Variants in ITGA6 observed in about 807,000 individuals in gnomAD.
The protein encoded by ITGA6 is integrin alpha-6.
Under a neutral mutation model 133.6 loss-of-function variants are expected in ITGA6, and 63 were observed. The ratio of observed to expected loss-of-function variants is 0.47; its 90% CI spans 0.38 to 0.58. The LOEUF is 0.58. Among genes scored for constraint, ITGA6 ranks in the 20% least tolerant of loss-of-function variants. The pLI is 0.00. For missense variants in ITGA6, 1,068 were observed against 1,309.4 expected, an observed-to-expected ratio of 0.82 and a Z score of 2.85; for synonymous variants, 434 against 482.0, an observed-to-expected ratio of 0.90 and a Z score of 1.30.
chr2:172,497,867 A>T, intron 23 of ITGA6, 108 bp from the exon 24 acceptor site: 1 of 1,129,824 alleles, frequency 8.9e-7, no homozygotes, highest in Non-Finnish European at 1.3e-6. Flanking sequence ...ATCCATTCAC[A>T]GGCTGCATTG....
Position 172,476,455 on chromosome 2 carries a change from C to T in ITGA6, c.1330C>T (p.Arg444Ter), listed in dbSNP as rs1686178867. The T allele has an allele frequency of 1.2e-6, 2 of 1,612,784 alleles. No homozygotes were observed. The highest frequency in any genetic ancestry group is 1.7e-6 in the Non-Finnish European group (2 of 1,178,976). ...YSIAGNMDLDRNSYPDVAVGS... is the reference protein window; with the variant it reads ...YSIAGNMDLD The stretch of plus-strand genomic sequence containing the variant: ...AATTGCTGGAAACATGGACCTTGAT[C>T]GAAATTCCTACCCTGATGTTGCTGT... Residue 444 changes from arginine to a stop codon, truncating the protein, a stop_gained, in exon 9 of 26, where the codon CGA (arginine) becomes TGA (stop). Coordinates refer to ENST00000684293, the MANE Select transcript of ITGA6 (RefSeq NM_000210.4). LOFTEE classifies it high-confidence loss of function.
At chr2:172,441,138 G>T (rs924853204) in intron 1 of ITGA6, among the ~76,000 whole-genome samples, 1 of 152,058 alleles carries the variant, frequency 6.6e-6, no homozygotes, top group Non-Finnish European at 1.5e-5. Flanking sequence ...TAATTTCTCC[G>T]TTGCTCTCAT....
At chr2:172,473,529 A>G (rs964748603) in intron 5 of ITGA6, among the ~76,000 whole-genome samples, 1 of 152,214 alleles carries the variant, frequency 6.6e-6, no homozygotes, top group Admixed American at 6.5e-5. Flanking sequence ...TTGTCTGATT[A>G]CCAAAGAGTT....
chr2:172,467,532 A>G lies in ITGA6; in HGVS notation c.359A>G (p.Gln120Arg), dbSNP rs754363708. The G allele has an allele frequency of 6.2e-7, 1 of 1,613,746 alleles. No homozygotes were observed. The highest frequency in any genetic ancestry group is 1.3e-5 in the African/African-American group (1 of 74,932). Residue 120 changes from glutamine (Q) to arginine (R), a missense_variant, in exon 3 of 26, where the codon CAG (glutamine) becomes CGG (arginine). Gln to Arg is a conservative substitution (Grantham distance 43). Coordinates refer to ENST00000684293, the MANE Select transcript of ITGA6 (RefSeq NM_000210.4). ...GATCAGTGGATGGGGGTCACCGTCC[A>G]GAGCCAAGGTCCAGGGGGCAAGGTC... ...KEDQWMGVTV[Q>R]SQGPGGKVVT... is the part of the protein sequence containing the mutation.
At chr2:172,429,705 A>T (rs181641332) in intron 1 of ITGA6, among the ~76,000 whole-genome samples, 2 of 152,156 alleles carry the variant, frequency 1.3e-5, no homozygotes, top group Non-Finnish European at 2.9e-5. Context: ...TAAGCCTGCA[A>T]TGGGGTCTGA....
At chr2:172,482,546 G>C (rs1229532216) in intron 11 of ITGA6, among the ~76,000 whole-genome samples, 1 of 152,160 alleles carries the variant, frequency 6.6e-6, no homozygotes, top group African/African-American at 2.4e-5. Context: ...GGACTGTCTG[G>C]AGGGTTAGGG....
intron 5 of ITGA6, 121 bp downstream of exon 5, chr2:172,471,226 C>A: frequency 8.9e-7 from 1 of 1,124,888 alleles, no homozygotes; most frequent in Non-Finnish European, 1.3e-6. Context: ...GGGGCCGGGC[C>A]ACTTTTGCTG....
chr2:172,441,999 G>C (rs1350241704), intron 1 of ITGA6, among the ~76,000 whole-genome samples: 2 of 152,146 alleles, frequency 1.3e-5, no homozygotes, highest in Non-Finnish European at 2.9e-5. Flanking sequence ...AACTTGTCCA[G>C]ATCTCTTTCT....
chr2:172,491,373 C>A lies in ITGA6; in HGVS notation c.2889+42C>A. 1 of 1,575,654 alleles carries A rather than the reference C, an allele frequency of 6.3e-7. No homozygotes were observed. Among genetic ancestry groups the A allele is most frequent in the Non-Finnish European group, 8.7e-7 (1 of 1,145,042 alleles). ...AGGCTGTCCCATGGAAGTAATTTGC[C>A]TTTGCCTAGGACACTTTTCACTTCC... On this transcript the variant is annotated intron_variant, in intron 22 of 25. Coordinates refer to ENST00000684293, the MANE Select transcript of ITGA6 (RefSeq NM_000210.4). This position sits in a 1 kb window ranked among gnomAD's most constrained non-coding sequence, Gnocchi z 4.4.
intron 1 of ITGA6, among the ~76,000 whole-genome samples, chr2:172,442,751 T>G (rs946896231): frequency 2.0e-5 from 3 of 152,204 alleles, no homozygotes; most frequent in Non-Finnish European, 4.4e-5. Context: ...TGTGTTGTCA[T>G]GCCTCTGGAA....
At chr2:172,458,861 T>A (rs1393707234) in intron 1 of ITGA6, among the ~76,000 whole-genome samples, 2 of 152,102 alleles carry the variant, frequency 1.3e-5, no homozygotes, top group African/African-American at 4.8e-5. Context: ...ACCCACAGAA[T>A]AAGATTAGGA....
intron 24 of ITGA6, 51 bp downstream of exon 24, chr2:172,498,151 T>G: frequency 6.4e-7 from 1 of 1,561,576 alleles, no homozygotes. Flanking sequence ...TTTCATGTTT[T>G]AAAAAATGGG....
At chr2:172,483,064 G>A (rs1233277545) in intron 11 of ITGA6, among the ~76,000 whole-genome samples, 1 of 152,212 alleles carries the variant, frequency 6.6e-6, no homozygotes, top group African/African-American at 2.4e-5. Flanking sequence ...GGGCTTAAAT[G>A]TAGAGACTGG....
chr2:172,474,115 G>A lies in ITGA6; in HGVS notation c.836G>A (p.Gly279Asp). The stretch of plus-strand genomic sequence containing the variant: ...AAAGATGAGATCACTTTTGTATCTG[G>A]TGCTCCCAGAGCCAATCACAGTGGA... ...VSKDEITFVS[G>D]APRANHSGAV... Residue 279 changes from glycine (G) to aspartate (D), a missense_variant, in exon 6 of 26, where the codon GGT becomes GAT. Gly to Asp is a moderately conservative substitution (Grantham distance 94, BLOSUM62 -1). Around this residue, in one of 3 missense-constraint regions of ITGA6, gnomAD observed 317 missense variants for 456.9 expected, o/e 0.69. Coordinates refer to ENST00000684293, the MANE Select transcript of ITGA6 (RefSeq NM_000210.4). 6.2e-7 allele frequency: 1 copy of A among 1,613,958 alleles called. No individual in the cohort carries two copies. Among genetic ancestry groups the A allele is most frequent in the Non-Finnish European group, 8.5e-7 (1 of 1,180,014 alleles).
chr2:172,444,967 GTTTGT>G (rs113976635), intron 1 of ITGA6, among the ~76,000 whole-genome samples: 9 of 106,528 alleles, frequency 8.4e-5, no homozygotes, highest in African/African-American at 1.9e-4. Context: ...TGTAGGTTTT[GTTTGT>G]TTTGTTTTGT....
chr2:172,502,038 G>T, intron 25 of ITGA6, 137 bp downstream of exon 25: 4 of 756,990 alleles, frequency 5.3e-6, no homozygotes, highest in South Asian at 1.9e-5. Context: ...GCCTTGCTTG[G>T]ATTTGTTTTA....
chr2:172,437,788 T>C (rs1456448701), intron 1 of ITGA6, among the ~76,000 whole-genome samples: 3 of 148,416 alleles, frequency 2.0e-5, no homozygotes. Context: ...ATGGTGTTCT[T>C]ACACATGGAG....
chr2:172,501,161 A>G (rs949642137), intron 24 of ITGA6, among the ~76,000 whole-genome samples: 1 of 152,156 alleles, frequency 6.6e-6, no homozygotes, highest in African/African-American at 2.4e-5. Context: ...GGTCCCTACC[A>G]TTTAAGGGTT....
chr2:172,480,038 T>C lies in ITGA6; in HGVS notation c.1536T>C (p.Tyr512=). 6.3e-7 allele frequency: 1 copy of C among 1,575,948 alleles called. No homozygotes were observed. The highest frequency in any genetic ancestry group is 8.7e-7 in the Non-Finnish European group (1 of 1,145,308). The stretch of plus-strand genomic sequence containing the variant: ...AATATACTGCTAACCCCGCTGGTTA[T>C]AATCCTTCAATATGTAAGTACCTAG... ...CFEYTANPAG[Y]NPSISIVGTL... The change falls in exon 11 of 26, where the codon TAT becomes TAC. Residue 512 remains tyrosine (Y), a synonymous_variant. Coordinates refer to ENST00000684293, the MANE Select transcript of ITGA6 (RefSeq NM_000210.4).
Sources: allele counts gnomAD v4.1 joint callset (sites outside exome capture counted in the v4.1 genomes callset), GRCh38; gene constraint gnomAD v4.1.1; regional missense constraint gnomAD v4.1.1; non-coding constraint Gnocchi (gnomAD v3.1); transcripts MANE v1.5; gene names NCBI Gene and HGNC (gene_info 2026-07-23, HGNC 2026-07-21).